PXK: variants seen among roughly 807,000 people sequenced by gnomAD.
PXK encodes PX domain containing serine/threonine kinase like.
In PXK, 35 loss-of-function variants were observed where a neutral mutation model predicts 84.7. The observed-to-expected ratio is 0.41, with a 90% CI of 0.32 to 0.55. The LOEUF (loss-of-function observed/expected upper bound fraction) is 0.55. Ranked by LOEUF, PXK falls within the 20% of genes least tolerant of loss-of-function variation. The probability of loss-of-function intolerance (pLI) is 0.21; values close to 1 mark genes in which losing one functional copy is unlikely to be tolerated. For missense variants in PXK, 634 were observed against 699.7 expected (o/e 0.91, Z 1.06); for synonymous variants, 253 against 260.8 (o/e 0.97, Z 0.29).
At chr3:58,372,487 T>G (rs529936920) in intron 3 of PXK, among the ~76,000 whole-genome samples, 2 of 151,924 alleles carry the variant, frequency 1.3e-5, no homozygotes, top group Admixed American at 1.3e-4. Flanking sequence ...CACGCCCGGC[T>G]AATTTTTTGT....
chr3:58,350,414 T>G (rs1285886739), intron 1 of PXK, among the ~76,000 whole-genome samples: 2 of 152,168 alleles, frequency 1.3e-5, no homozygotes, highest in Non-Finnish European at 2.9e-5. Context: ...CGGGTTCTTG[T>G]CCTTACTCTG....
At chr3:58,355,379 G>C (rs948631333) in intron 1 of PXK, among the ~76,000 whole-genome samples, 1 of 152,190 alleles carries the variant, frequency 6.6e-6, no homozygotes, top group African/African-American at 2.4e-5. Context: ...CGGCACATCT[G>C]ATAGCTGTGC....
chr3:58,420,607 GCT>G (rs2061683440), intron 17 of PXK: 7 of 1,535,934 alleles, frequency 4.6e-6, no homozygotes, highest in Non-Finnish European at 6.1e-6. Flanking sequence ...CTTTAAAGAT[GCT>G]CTGTTTCTGT....
chr3:58,391,042 G>T, intron 5 of PXK, 105 bp from the exon 6 acceptor site: 1 of 804,708 alleles, frequency 1.2e-6, no homozygotes, highest in Non-Finnish European at 2.1e-6. Context: ...ATGTAGCTGC[G>T]AATAATATTG....
rs910902805 is a variant in PXK, at chr3:58,364,740, A to C, written c.103-1134A>C. ...AAAAAAAAATCATTATGAAGATCAA[A>C]TTATGTATTTCATATTGAGTGAGTT... On this transcript the variant is annotated intron_variant, in intron 1 of 17. Coordinates refer to ENST00000356151, the MANE Select transcript of PXK (RefSeq NM_017771.5). The surrounding 1 kb of genome is among the most constrained non-coding windows in gnomAD (Gnocchi z 4.3). Among the ~76,000 whole-genome samples, 1 of 152,116 alleles carries C rather than the reference A, an allele frequency of 6.6e-6. No homozygotes were observed.
At chr3:58,354,448 G>A (rs13066167) in intron 1 of PXK, among the ~76,000 whole-genome samples, 31,512 of 143,170 alleles carry the variant, frequency 0.22, 4,129 homozygotes, top group African/African-American at 0.37. Flanking sequence ...CTGCTTCCTA[G>A]TTTTTTTTTT....
intron 1 of PXK, among the ~76,000 whole-genome samples, chr3:58,347,968 C>G (rs1354414309): frequency 6.6e-6 from 1 of 152,136 alleles, no homozygotes; most frequent in Non-Finnish European, 1.5e-5. Context: ...GGCTGGAGTG[C>G]AGTGGTGTGA....
intron 7 of PXK, among the ~76,000 whole-genome samples, chr3:58,392,137 G>T (rs1165269021): frequency 2.0e-5 from 3 of 152,132 alleles, no homozygotes; most frequent in South Asian, 2.1e-4. Context: ...CTTGGTGAAG[G>T]TATTTATCTC....
chr3:58,395,055 A>G lies in PXK; in HGVS notation c.673A>G (p.Ile225Val). ...ATANESSALL[I>V]RMFNEKGTLK... Reference sequence around the variant, plus strand: ...AGCTAATGAATCCTCAGCGTTGCTAATTAGGATGTTTAACGAAAAGGGAAC... The same window carrying G: ...AGCTAATGAATCCTCAGCGTTGCTAGTTAGGATGTTTAACGAAAAGGGAAC... The change falls in exon 8 of 18, where the codon ATT (isoleucine) becomes GTT (valine). Residue 225 changes from isoleucine (I) to valine (V), a missense_variant. By Grantham distance (29) the Ile-to-Val change is conservative. Transcript: ENST00000356151. The G allele has an allele frequency of 6.2e-7, 1 of 1,613,710 alleles. No homozygotes were observed. The highest frequency in any genetic ancestry group is 8.5e-7 in the Non-Finnish European group (1 of 1,179,618).
At chr3:58,355,957 C>T (rs1003453454) in intron 1 of PXK, among the ~76,000 whole-genome samples, 2 of 150,892 alleles carry the variant, frequency 1.3e-5, no homozygotes, top group East Asian at 3.9e-4. Flanking sequence ...CCTTGGATAG[C>T]TCATTCGATC....
chr3:58,333,187 G>T lies in PXK; in HGVS notation c.102+97G>T, dbSNP rs1285863459. ...CGCGGGCCGGGCAGGGTCGTCGGAC[G>T]GAGACCGGGCCACAGGGTGGGCGGC... On this transcript the variant is annotated intron_variant, in intron 1 of 17. Transcript: ENST00000356151. This position sits in a 1 kb window ranked among gnomAD's most constrained non-coding sequence, Gnocchi z 5.4. 1.4e-6 allele frequency: 1 copy of T among 717,714 alleles called. No homozygotes were observed. Among genetic ancestry groups the T allele is most frequent in the Non-Finnish European group, 1.7e-6 (1 of 580,888 alleles). 44.5% of individuals were successfully genotyped at this position (717,714 alleles called of 1,614,324 possible).
rs2061008039 is a variant in PXK, at chr3:58,416,659, C to T, written c.1528+3696C>T. ...TTTTTGAGACAGAGTCTGGGTCTGT[C>T]ACCCAGGCTGGAATACAGTCGTGAG... is the stretch of plus-strand genomic sequence containing the variant. On this transcript the variant is annotated intron_variant, in intron 17 of 17. Transcript: ENST00000356151. This position sits in a 1 kb window ranked among gnomAD's most constrained non-coding sequence, Gnocchi z 4.8. 6.6e-6 allele frequency among the ~76,000 whole-genome samples: 1 copy of T among 152,172 alleles called. No homozygotes were observed.
At position 58,397,302 on chromosome 3, in the gene PXK, G is replaced by A. The variant is rs2057837902; in HGVS notation, c.984+102G>A. The A allele has an allele frequency of 7.3e-7, 1 of 1,368,598 alleles. No individual in the cohort carries two copies. Among genetic ancestry groups the A allele is most frequent in the Non-Finnish European group, 1.0e-6 (1 of 982,816 alleles). The allele number at this position is 1,368,598 out of a possible 1,614,324, so 84.8% of individuals were successfully genotyped here. On this transcript the variant is annotated intron_variant, in intron 10 of 17. Transcript: ENST00000356151. The surrounding 1 kb of genome is among the most constrained non-coding windows in gnomAD (Gnocchi z 4.7). ...TATGCACCAAGTAGTGAAAGGTATAGTTGGGACAGGCCTTGCCCGTCAGCC... is the reference window on the plus strand; with the variant it reads ...TATGCACCAAGTAGTGAAAGGTATAATTGGGACAGGCCTTGCCCGTCAGCC...
chr3:58,354,288 A>G (rs1430720939), intron 1 of PXK, among the ~76,000 whole-genome samples: 1 of 152,126 alleles, frequency 6.6e-6, no homozygotes, highest in African/African-American at 2.4e-5. Context: ...TTAGATACCA[A>G]CCGTACCCCC....
At chr3:58,387,939 A>AC (rs1460578040) in intron 4 of PXK, among the ~76,000 whole-genome samples, 1 of 151,974 alleles carries the variant, frequency 6.6e-6, no homozygotes, top group East Asian at 1.9e-4. Context: ...GTGCAGAGAG[A>AC]CCCCACACAC....
chr3:58,405,961 A>C (rs1317896557), intron 13 of PXK, among the ~76,000 whole-genome samples: 2 of 149,942 alleles, frequency 1.3e-5, no homozygotes, highest in East Asian at 1.9e-4. Flanking sequence ...GCTTTATATA[A>C]TTTTTTAAAT....
chr3:58,417,972 C>A (rs188558847), intron 17 of PXK, among the ~76,000 whole-genome samples: 31 of 152,196 alleles, frequency 2.0e-4, no homozygotes, highest in Admixed American at 1.5e-3. Context: ...GTGTGCACCA[C>A]CACCCTTGGC....
chr3:58,361,500 C>G (rs1340919391), intron 1 of PXK, among the ~76,000 whole-genome samples: 1 of 152,094 alleles, frequency 6.6e-6, no homozygotes, highest in African/African-American at 2.4e-5. Context: ...CTCTGACGCC[C>G]ATCTCACTAC....
Position 58,400,547 on chromosome 3 carries a change from C to T in PXK, c.1181+1170C>T, listed in dbSNP as rs4560319. On this transcript the variant is annotated intron_variant, in intron 12 of 17. Transcript: ENST00000356151. The surrounding 1 kb of genome is among the most constrained non-coding windows in gnomAD (Gnocchi z 4.0). ...AAAAGAGGAAACCAAGCCCCTGCCC[C>T]GTGGATGTGACATTCTACTGTTCCA... 0.073 allele frequency among the ~76,000 whole-genome samples: 11,157 copies of T among 152,190 alleles called. 529 individuals carry two copies. Among genetic ancestry groups the T allele is most frequent in the South Asian group, 0.1 (494 of 4,824 alleles).
Sources: gnomAD v4.1 joint callset for allele counts (sites outside exome capture counted in the v4.1 genomes callset) on GRCh38, gnomAD v4.1.1 for gene constraint, Gnocchi (gnomAD v3.1) non-coding constraint, MANE v1.5 for transcripts, NCBI Gene and HGNC (gene_info 2026-07-23, HGNC 2026-07-21) for gene names.